SCP2: variants seen among roughly 807,000 people sequenced by gnomAD.
The protein encoded by SCP2 is SCP-2/3-oxoacyl-CoA thiolase.
In SCP2, 48 loss-of-function variants were observed where a neutral mutation model predicts 71.4. The ratio of observed to expected loss-of-function variants is 0.67; its 90% CI spans 0.53 to 0.86. The LOEUF (loss-of-function observed/expected upper bound fraction) is 0.86. Among genes scored for constraint, SCP2 ranks in the 40% least tolerant of loss-of-function variants. The pLI, the probability that SCP2 is intolerant of heterozygous loss-of-function variation, is 0.00. For missense variants in SCP2, 560 were observed against 655.6 expected, an observed-to-expected ratio of 0.85 and a Z score of 1.59; for synonymous variants, 220 against 218.1, an observed-to-expected ratio of 1.01 and a Z score of -0.08.
chr1:52,947,327 T>G (rs1654901484), intron 2 of SCP2, among the ~76,000 whole-genome samples: 1 of 149,454 alleles, frequency 6.7e-6, no homozygotes, highest in South Asian at 2.2e-4. Context: ...TTCTTTTAAC[T>G]CGTTTTGCTT....
intron 14 of SCP2, among the ~76,000 whole-genome samples, chr1:53,041,170 G>C (rs190608297): frequency 6.6e-6 from 1 of 152,144 alleles, no homozygotes; most frequent in African/African-American, 2.4e-5. Flanking sequence ...TTGGGAGGCC[G>C]AGGCGGGCGG....
chr1:52,978,244 A>G lies in SCP2; in HGVS notation c.702A>G (p.Ala234=), dbSNP rs914285356. Residue 234 remains alanine (A), a synonymous_variant, in exon 9 of 16, where the codon GCA becomes GCG. Coordinates refer to ENST00000371514, the MANE Select transcript of SCP2 (RefSeq NM_002979.5). Reference sequence around the variant, plus strand: ...CCACTTCAGATGGTGCTGCAGCAGCAATTTTGGCCAGTGAAGCATTTGTAC... The same window carrying G: ...CCACTTCAGATGGTGCTGCAGCAGCGATTTTGGCCAGTGAAGCATTTGTAC... ...CCPTSDGAAA[A]ILASEAFVQK... The G allele has an allele frequency of 6.2e-7, 1 of 1,614,060 alleles. No individual in the cohort carries two copies. Among genetic ancestry groups the G allele is most frequent in the African/African-American group, 1.3e-5 (1 of 75,066 alleles).
chr1:52,955,951 C>CA (rs1655753957), intron 5 of SCP2, among the ~76,000 whole-genome samples: 2 of 144,454 alleles, frequency 1.4e-5, no homozygotes, highest in South Asian at 4.4e-4. Flanking sequence ...TAGGAAATTA[C>CA]AAAAAAGAAC....
intron 12 of SCP2, among the ~76,000 whole-genome samples, chr1:53,018,822 TC>T (rs916235854): frequency 6.6e-6 from 1 of 152,078 alleles, no homozygotes; most frequent in Non-Finnish European, 1.5e-5. Context: ...TCAACAACTG[TC>T]CCAATAATAT....
chr1:52,974,035 G>C (rs1460941217), intron 6 of SCP2, among the ~76,000 whole-genome samples: 1 of 152,132 alleles, frequency 6.6e-6, no homozygotes, highest in Non-Finnish European at 1.5e-5. Flanking sequence ...TGATAGAGAA[G>C]AGAGAGATAA....
chr1:53,049,412 C>G (rs1394362345), intron 15 of SCP2: 2 of 152,150 alleles, frequency 1.3e-5, no homozygotes, highest in East Asian at 3.9e-4. Flanking sequence ...GAGGATTTGA[C>G]TGGAAATCGT....
intron 11 of SCP2, among the ~76,000 whole-genome samples, chr1:53,001,258 A>G (rs916980029): frequency 2.6e-5 from 4 of 152,162 alleles, no homozygotes; most frequent in African/African-American, 9.7e-5. Context: ...AGTACAAAGC[A>G]GAAGTATGAA....
rs1009644575 is a variant in SCP2 at position 53,047,943 on chromosome 1, T to C, written c.1548+6T>C. 6 of 1,596,316 alleles carry C rather than the reference T, an allele frequency of 3.8e-6. No individual in the cohort carries two copies. Among genetic ancestry groups the C allele is most frequent in the African/African-American group, 1.3e-5 (1 of 74,654 alleles). Reference sequence around the variant, plus strand: ...GTAAAATGAATCCTCAGTCGGTAAGTATGATGGAGCTTATATCCTGCTAGT... The same window carrying C: ...GTAAAATGAATCCTCAGTCGGTAAGCATGATGGAGCTTATATCCTGCTAGT... On this transcript the variant is annotated splice_donor_region_variant and intron_variant, in intron 15 of 15. Coordinates refer to ENST00000371514, the MANE Select transcript of SCP2 (RefSeq NM_002979.5).
intron 13 of SCP2, among the ~76,000 whole-genome samples, chr1:53,035,596 C>CAA (rs543781958): frequency 6.7e-6 from 1 of 149,108 alleles, no homozygotes; most frequent in Non-Finnish European, 1.5e-5. Context: ...AAAATGTGTC[C>CAA]AAAAAAAAAT....
intron 11 of SCP2, among the ~76,000 whole-genome samples, chr1:53,000,452 G>A (rs1011369707): frequency 6.6e-6 from 1 of 152,036 alleles, no homozygotes; most frequent in Non-Finnish European, 1.5e-5. Flanking sequence ...GCCTTTTGTC[G>A]TAGTTCAGCC....
intron 12 of SCP2, among the ~76,000 whole-genome samples, chr1:53,026,542 T>C (rs955647695): frequency 1.3e-5 from 2 of 151,382 alleles, no homozygotes; most frequent in East Asian, 3.8e-4. Flanking sequence ...GCACAGTGGC[T>C]CACATCTGTA....
At chr1:52,956,260 G>A (rs1364982961) in intron 5 of SCP2, among the ~76,000 whole-genome samples, 6 of 152,002 alleles carry the variant, frequency 3.9e-5, no homozygotes, top group African/African-American at 7.2e-5. Flanking sequence ...GCCAAGATGC[G>A]CCATTGCACT....
At chr1:53,021,748 G>A (rs946477516) in intron 12 of SCP2, among the ~76,000 whole-genome samples, 5 of 149,658 alleles carry the variant, frequency 3.3e-5, no homozygotes, top group Non-Finnish European at 5.9e-5. Context: ...GGGTTCAAGC[G>A]ATTCTTGTGC....
At position 52,980,433 on chromosome 1, in the gene SCP2, G is replaced by A; in HGVS notation, c.863G>A (p.Cys288Tyr). 2 of 1,614,132 alleles carry A rather than the reference G, an allele frequency of 1.2e-6. No homozygotes were observed. The highest frequency in any genetic ancestry group is 1.7e-6 in the Non-Finnish European group (2 of 1,179,984). ...ATGAGTAAAGAAGCTGCAAGAAAATGCTATGAGAAATCTGGCCTGACACCA... is the reference window on the plus strand; with the variant it reads ...ATGAGTAAAGAAGCTGCAAGAAAATACTATGAGAAATCTGGCCTGACACCA... Reference protein sequence around the residue: ...FDMSKEAARKCYEKSGLTPND... With the variant: ...FDMSKEAARKYYEKSGLTPND... The change falls in exon 10 of 16, where the codon TGC becomes TAC. Residue 288 changes from cysteine (C) to tyrosine (Y), a missense_variant. Around this residue, in one of 3 missense-constraint regions of SCP2, gnomAD observed 513 missense variants for 573.1 expected, o/e 0.90. Transcript: ENST00000371514.
intron 12 of SCP2, among the ~76,000 whole-genome samples, chr1:53,018,824 C>T (rs971240374): frequency 1.3e-5 from 2 of 151,908 alleles, no homozygotes; most frequent in Admixed American, 6.6e-5. Context: ...AACAACTGTC[C>T]CAATAATATA....
chr1:52,944,200 T>C (rs1428571699), intron 2 of SCP2, among the ~76,000 whole-genome samples: 7 of 152,214 alleles, frequency 4.6e-5, no homozygotes, highest in African/African-American at 1.7e-4. Flanking sequence ...TCCTGCTACG[T>C]TGTTGCCAGG....
intron 11 of SCP2, among the ~76,000 whole-genome samples, chr1:53,011,097 A>C (rs1275469900): frequency 6.6e-6 from 1 of 152,210 alleles, no homozygotes; most frequent in Non-Finnish European, 1.5e-5. Context: ...TGCTGAGTCT[A>C]TGAAAACTTT....
intron 6 of SCP2, 139 bp from the exon 7 acceptor site, chr1:52,974,630 C>A: frequency 1.4e-6 from 1 of 701,520 alleles, no homozygotes; most frequent in Non-Finnish European, 2.7e-6. Flanking sequence ...GGGAACAGTG[C>A]TGAAGTCTTT....
chr1:53,038,807 G>A (rs934856952), intron 13 of SCP2, 110 bp from the exon 14 acceptor site: 98 of 1,378,106 alleles, frequency 7.1e-5, no homozygotes, highest in Non-Finnish European at 9.8e-5. Context: ...CTTGGGGACC[G>A]CTCCCTGGCC....
Sources: allele counts gnomAD v4.1 joint callset (sites outside exome capture counted in the v4.1 genomes callset), GRCh38; gene constraint gnomAD v4.1.1; regional missense constraint gnomAD v4.1.1; transcripts MANE v1.5; gene names NCBI Gene and HGNC (gene_info 2026-07-23, HGNC 2026-07-21).